Variants in FGD5 observed in about 807,000 individuals in gnomAD.
FGD5 encodes FYVE, RhoGEF and PH domain-containing protein 5.
A neutral mutation model predicts 133.4 loss-of-function variants in FGD5; 28 were observed. That is an observed-to-expected ratio of 0.21 (90% CI 0.16 to 0.29). The LOEUF (loss-of-function observed/expected upper bound fraction) is 0.29. Ranked by LOEUF, FGD5 falls within the 10% of genes least tolerant of loss-of-function variation. The pLI is 1.00. For missense variants in FGD5, 1,858 were observed against 1,895.2 expected, an observed-to-expected ratio of 0.98 and a Z score of 0.36; for synonymous variants, 810 against 776.5, an observed-to-expected ratio of 1.04 and a Z score of -0.72.
At chr3:14,839,115 T>A (rs11926219) in intron 1 of FGD5, among the ~76,000 whole-genome samples, 3,181 of 152,292 alleles carry the variant, frequency 0.021, 115 homozygotes, top group African/African-American at 0.073. Context: ...GAAAAGCACA[T>A]GCTTCCAGCA....
In FGD5 at chr3:14,898,719, C is replaced by T. The variant is rs773503740; in HGVS notation, c.3067-20C>T. The T allele has an allele frequency of 1.9e-6, 3 of 1,563,228 alleles. No individual in the cohort carries two copies. ...GGAGGGGTTTCTGATAAGGTTTTTC[C>T]TTCCCTGTCTTGAGAGCAGCAGAGT... is the stretch of plus-strand genomic sequence containing the variant. On this transcript the variant is annotated intron_variant, in intron 6 of 19. Transcript: ENST00000285046.
intron 4 of FGD5, among the ~76,000 whole-genome samples, chr3:14,886,025 G>A (rs931319558): frequency 6.6e-6 from 1 of 152,220 alleles, no homozygotes. Flanking sequence ...GTAATTTAGA[G>A]ATTCTTCTTT....
intron 1 of FGD5, among the ~76,000 whole-genome samples, chr3:14,859,180 A>T (rs796597082): frequency 3.3e-5 from 5 of 152,356 alleles, no homozygotes; most frequent in African/African-American, 1.2e-4. Context: ...ATGTTTTAGT[A>T]TATGTATACA....
At chr3:14,928,311 A>T (rs1378118112) in intron 18 of FGD5, among the ~76,000 whole-genome samples, 1 of 151,908 alleles carries the variant, frequency 6.6e-6, no homozygotes, top group Non-Finnish European at 1.5e-5. Flanking sequence ...GTCTCAAGTG[A>T]TCCTCCCACC....
intron 1 of FGD5, among the ~76,000 whole-genome samples, chr3:14,829,609 G>T (rs1280295002): frequency 6.6e-6 from 1 of 152,128 alleles, no homozygotes; most frequent in Admixed American, 6.5e-5. Context: ...TTTACAGTCT[G>T]GTCCCAAATA....
In FGD5 at chr3:14,917,166, G is replaced by A. The variant is rs557206415; in HGVS notation, c.3406-83G>A. On this transcript the variant is annotated intron_variant, in intron 11 of 19. Transcript: ENST00000285046. This position sits in a 1 kb window ranked among gnomAD's most constrained non-coding sequence, Gnocchi z 4.1. The stretch of plus-strand genomic sequence containing the variant: ...GGAATACAAGATGCCTGTGCACAGC[G>A]GAGCTCAGGGATCCTTTGAGGACAG... The A allele has an allele frequency of 1.1e-4, 138 of 1,255,110 alleles. No homozygotes were observed. The highest frequency in any genetic ancestry group is 7.3e-4 in the East Asian group (29 of 39,676). The allele number at this position is 1,255,110 out of a possible 1,614,324, so 77.7% of individuals were successfully genotyped here.
chr3:14,893,098 C>A (rs1440915391), intron 4 of FGD5, among the ~76,000 whole-genome samples: 1 of 152,112 alleles, frequency 6.6e-6, no homozygotes, highest in Non-Finnish European at 1.5e-5. Context: ...AGCTAGGCCT[C>A]ATGCAAGAGC....
chr3:14,812,782 G>A (rs2036312978), intron 1 of FGD5, among the ~76,000 whole-genome samples: 1 of 152,212 alleles, frequency 6.6e-6, no homozygotes, highest in Non-Finnish European at 1.5e-5. Flanking sequence ...GAAAAATGGG[G>A]TTGGTAAGAT....
At chr3:14,869,042 C>T (rs1331193921) in intron 2 of FGD5, among the ~76,000 whole-genome samples, 1 of 152,168 alleles carries the variant, frequency 6.6e-6, no homozygotes, top group Non-Finnish European at 1.5e-5. Flanking sequence ...CACCTGTAAT[C>T]CCAGCACTTT....
intron 1 of FGD5, among the ~76,000 whole-genome samples, chr3:14,812,533 G>A (rs889390631): frequency 2.0e-5 from 3 of 152,164 alleles, no homozygotes; most frequent in Non-Finnish European, 2.9e-5. Context: ...AATCTTAGCC[G>A]TTGTCGCTCT....
chr3:14,867,102 A>G lies in FGD5; in HGVS notation c.2658+2842A>G, dbSNP rs113327383. 7.2e-3 allele frequency among the ~76,000 whole-genome samples: 1,104 copies of G among 152,356 alleles called. 12 individuals carry two copies. Among genetic ancestry groups the G allele is most frequent in the African/African-American group, 0.025 (1,047 of 41,582 alleles). On this transcript the variant is annotated intron_variant, in intron 2 of 19. Transcript: ENST00000285046. ...TCAAAACCTACACTTTAATTGCACA[A>G]GGCATGCTCTACCACGGAATATGTA...
At chr3:14,860,342 A>G (rs919487673) in intron 1 of FGD5, among the ~76,000 whole-genome samples, 7 of 152,368 alleles carry the variant, frequency 4.6e-5, no homozygotes, top group African/African-American at 1.4e-4. Flanking sequence ...ACTTTCCTGA[A>G]GGCAGGAACC....
In FGD5 at chr3:14,831,222, G is replaced by A. The variant is rs144360690; in HGVS notation, c.2525+9626G>A. On this transcript the variant is annotated intron_variant, in intron 1 of 19. Transcript: ENST00000285046. ...GCAGAAGGCGATGGGAAGTCGGGTAGGCAGGGACCTTGTGAAAGATTTGGA... is the reference window on the plus strand; with the variant it reads ...GCAGAAGGCGATGGGAAGTCGGGTAAGCAGGGACCTTGTGAAAGATTTGGA... Among the ~76,000 whole-genome samples the A allele has an allele frequency of 2.3e-3, 354 of 152,324 alleles. 1 individual carries two copies. The highest frequency in any genetic ancestry group is 4.2e-3 in the Admixed American group (64 of 15,304).
rs189641727 is a variant in FGD5, at chr3:14,924,872, T to C, written c.4068+734T>C. Among the ~76,000 whole-genome samples the C allele has an allele frequency of 2.3e-3, 346 of 152,054 alleles. 1 individual carries two copies. The highest frequency in any genetic ancestry group is 3.8e-3 in the Non-Finnish European group (256 of 67,958). ...ATCCCAGCACTTTGGGAGGCTGAGG[T>C]GGGCAGATCACGAGGTCGGGAGATC... On this transcript the variant is annotated intron_variant, in intron 17 of 19. Transcript: ENST00000285046.
upstream of FGD5, among the ~76,000 whole-genome samples, chr3:14,816,550 T>C (rs1182629598): frequency 6.6e-6 from 1 of 152,216 alleles, no homozygotes; most frequent in Non-Finnish European, 1.5e-5. Context: ...ATGAGGAAAC[T>C]GAGGCTGAGT....
intron 1 of FGD5, among the ~76,000 whole-genome samples, chr3:14,851,143 T>C (rs1298139424): frequency 8.4e-6 from 1 of 118,796 alleles, no homozygotes; most frequent in East Asian, 3.1e-4. Flanking sequence ...GTTGAGGAGC[T>C]CTGCCTGTTG....
At chr3:14,850,800 G>C (rs1357668224) in intron 1 of FGD5, among the ~76,000 whole-genome samples, 1 of 151,954 alleles carries the variant, frequency 6.6e-6, no homozygotes, top group Non-Finnish European at 1.5e-5. Context: ...GGGCAGTGGT[G>C]GGTGGGAGGG....
intron 7 of FGD5, among the ~76,000 whole-genome samples, chr3:14,899,732 A>T (rs2038201372): frequency 6.6e-6 from 1 of 152,234 alleles, no homozygotes; most frequent in Non-Finnish European, 1.5e-5. Context: ...GAAAGCCAAA[A>T]GATAATGTCT....
At chr3:14,904,445 G>A (rs890169911) in intron 9 of FGD5, among the ~76,000 whole-genome samples, 1 of 151,922 alleles carries the variant, frequency 6.6e-6, no homozygotes, top group South Asian at 2.1e-4. Flanking sequence ...TTGGCTATTG[G>A]GAGCGTTTTC....
Sources: gnomAD v4.1 joint callset for allele counts (sites outside exome capture counted in the v4.1 genomes callset) on GRCh38, gnomAD v4.1.1 for gene constraint, Gnocchi (gnomAD v3.1) non-coding constraint, MANE v1.5 for transcripts, NCBI Gene and HGNC (gene_info 2026-07-23, HGNC 2026-07-21) for gene names.